CLPTM1L: variants seen among roughly 807,000 people sequenced by gnomAD.
CLPTM1L encodes the protein CLPTM1 like.
CLPTM1L carries 38 observed loss-of-function variants against 70.9 expected under a neutral mutation model. That is an observed-to-expected ratio of 0.54 (90% CI 0.41 to 0.70). CLPTM1L has a LOEUF of 0.70. Among genes scored for constraint, CLPTM1L ranks in the 30% least tolerant of loss-of-function variants. The pLI is 0.00. For missense variants in CLPTM1L, 652 were observed against 705.9 expected (o/e 0.92, Z 0.87); for synonymous variants, 339 against 299.9 (o/e 1.13, Z -1.35).
At chr5:1,334,458 A>G in intron 6 of CLPTM1L, 75 bp from the exon 7 acceptor site, 2 of 1,132,970 alleles carry the variant, frequency 1.8e-6, no homozygotes, top group African/African-American at 1.6e-5. Context: ...TACAGTTTTC[A>G]ATATAAAAAT....
chr5:1,320,502 C>T (rs920888033), intron 16 of CLPTM1L, 114 bp downstream of exon 16: 69 of 556,266 alleles, frequency 1.2e-4, no homozygotes, highest in Middle Eastern at 5.0e-4. Flanking sequence ...TGCAAATTAT[C>T]TTTTCCCTCA....
chr5:1,341,877 A>G lies in CLPTM1L; in HGVS notation c.264-17T>C, dbSNP rs773625991. On this transcript the variant is annotated splice_polypyrimidine_tract_variant and intron_variant, in intron 2 of 16. Transcript: ENST00000320895. ...TTAACTGTCCTGAAACAGAACAATC[A>G]TTTCCACTACATACATATTATATTC... is the stretch of plus-strand genomic sequence containing the variant. The G allele has an allele frequency of 2.5e-6, 4 of 1,593,530 alleles. No homozygotes were observed. Among genetic ancestry groups the G allele is most frequent in the East Asian group, 2.2e-5 (1 of 44,514 alleles).
rs1430350633 is a variant in CLPTM1L at position 1,338,873 on chromosome 5, G to A, written c.586C>T (p.Arg196Trp). 6.2e-6 allele frequency: 10 copies of A among 1,613,310 alleles called. No individual in the cohort carries two copies. The highest frequency in any genetic ancestry group is 8.5e-6 in the Non-Finnish European group (10 of 1,180,044). ...DGSSLPADVH[R>W]YMKMIQLGKT... ...GGCCCCACTTACATCTTCATGTACCGATGCACATCGGCAGGCAGGGAGGAC... is the reference window on the plus strand; with the variant it reads ...GGCCCCACTTACATCTTCATGTACCAATGCACATCGGCAGGCAGGGAGGAC... Residue 196 changes from arginine to tryptophan, a missense_variant, in exon 4 of 17, where the codon CGG becomes TGG. Around this residue, in one of 3 missense-constraint regions of CLPTM1L, gnomAD observed 402 missense variants for 388.2 expected, o/e 1.04. Coordinates refer to ENST00000320895, the MANE Select transcript of CLPTM1L (RefSeq NM_030782.5).
chr5:1,339,938 T>G (rs1048681914), intron 3 of CLPTM1L, among the ~76,000 whole-genome samples: 1 of 147,594 alleles, frequency 6.8e-6, no homozygotes, highest in Admixed American at 6.7e-5. Flanking sequence ...GCCACGCACA[T>G]GGAAAAACCG....
At chr5:1,325,641 C>T in intron 10 of CLPTM1L, 110 bp downstream of exon 10, 1 of 853,114 alleles carries the variant, frequency 1.2e-6, no homozygotes, top group East Asian at 2.4e-5. Context: ...GCTCCCCTGA[C>T]AGAGGCCCGC....
At chr5:1,319,235 A>T (rs1752005449) in intron 16 of CLPTM1L, among the ~76,000 whole-genome samples, 1 of 151,588 alleles carries the variant, frequency 6.6e-6, no homozygotes, top group Non-Finnish European at 1.5e-5. Context: ...GGATCTGAGA[A>T]TGGTGAACGG....
intron 5 of CLPTM1L, 140 bp from the exon 6 acceptor site, chr5:1,335,314 C>G: frequency 2.8e-6 from 2 of 702,162 alleles, no homozygotes; most frequent in South Asian, 3.3e-5. Context: ...GCAAGCATCC[C>G]CCGGTCCCTC....
intron 3 of CLPTM1L, among the ~76,000 whole-genome samples, chr5:1,340,162 G>A (rs912932702): frequency 1.3e-5 from 2 of 152,162 alleles, no homozygotes; most frequent in African/African-American, 4.8e-5. Flanking sequence ...CTTTTTTGAG[G>A]TCCTCAAACT....
chr5:1,319,694 G>A (rs1191228173), intron 16 of CLPTM1L, among the ~76,000 whole-genome samples: 1 of 152,240 alleles, frequency 6.6e-6, no homozygotes, highest in Non-Finnish European at 1.5e-5. Flanking sequence ...TGGTGTGTGA[G>A]GTGGCCTCCT....
Position 1,331,588 on chromosome 5 carries a change from C to G in CLPTM1L, c.976+211G>C, listed in dbSNP as rs887162574. 1.3e-5 allele frequency: 8 copies of G among 596,908 alleles called. No homozygotes were observed. In the African/African-American group the frequency reaches 1.5e-4, roughly 11 times the overall value. 37.0% of individuals were successfully genotyped at this position (596,908 alleles called of 1,614,324 possible). A position where few individuals can be genotyped will look rare whatever the true frequency, so the allele number is the denominator to read the frequency against. On this transcript the variant is annotated intron_variant, in intron 8 of 16. Coordinates refer to ENST00000320895, the MANE Select transcript of CLPTM1L (RefSeq NM_030782.5). ...CCTGAGCTGTGCAGCCGCTGGAGGCCCTGAGCCGTGCAGCCTCTGATGGTC... is the reference window on the plus strand; with the variant it reads ...CCTGAGCTGTGCAGCCGCTGGAGGCGCTGAGCCGTGCAGCCTCTGATGGTC...
intron 9 of CLPTM1L, chr5:1,326,062 G>C (rs1396501650): frequency 3.8e-6 from 2 of 522,232 alleles, no homozygotes; most frequent in Non-Finnish European, 6.8e-6. Context: ...AACAAAAACA[G>C]CATGTGAGGG....
Position 1,337,966 on chromosome 5 carries a change from T to C in CLPTM1L, c.616A>G (p.Thr206Ala), listed in dbSNP as rs1412503410. The change falls in exon 5 of 17, where the codon ACC (threonine) becomes GCC (alanine). Residue 206 changes from threonine (T) to alanine (A), a missense_variant. Physicochemically the swap from Thr to Ala is moderately conservative, Grantham distance 58. Transcript: ENST00000320895. ...RYMKMIQLGK[T>A]VHYLPILFID... ...AACAGGATGGGCAGGTAATGCACGG[T>C]TTTCCCCAGCTGGATCCTGGGATTA... The C allele has an allele frequency of 9.3e-6, 15 of 1,606,892 alleles. No homozygotes were observed. The highest frequency in any genetic ancestry group is 1.2e-5 in the Non-Finnish European group (14 of 1,177,734).
chr5:1,335,120 A>C lies in CLPTM1L; in HGVS notation c.733T>G (p.Ser245Ala), dbSNP rs142613582. The C allele has an allele frequency of 6.2e-7, 1 of 1,613,608 alleles. No homozygotes were observed. Among genetic ancestry groups the C allele is most frequent in the African/African-American group, 1.3e-5 (1 of 74,936 alleles). The change falls in exon 6 of 17, where the codon TCA becomes GCA. Residue 245 changes from serine to alanine, a missense_variant. Ser to Ala is a moderately conservative substitution (Grantham distance 99). Coordinates refer to ENST00000320895, the MANE Select transcript of CLPTM1L (RefSeq NM_030782.5). Reference protein sequence around the residue: ...LPLTVSYDKVSLGRLRFWIHM... With the variant: ...LPLTVSYDKVALGRLRFWIHM... The stretch of plus-strand genomic sequence containing the variant: ...ATCCAGAAGCGCAGCCGCCCCAGTG[A>C]GACCTTGTCGTAGGACACGGTGAGG...
chr5:1,328,895 C>T (rs1752860975), intron 9 of CLPTM1L, among the ~76,000 whole-genome samples: 1 of 150,898 alleles, frequency 6.6e-6, no homozygotes, highest in Admixed American at 6.6e-5. Flanking sequence ...CCATCCAGCT[C>T]CTCCTCTACA....
In CLPTM1L at chr5:1,318,485, C is replaced by A. The variant is rs749554212; in HGVS notation, c.1533-32G>T. 1.3e-6 allele frequency: 2 copies of A among 1,572,880 alleles called. No individual in the cohort carries two copies. The highest frequency in any genetic ancestry group is 2.7e-5 in the African/African-American group (2 of 74,138). ...TGACACAAATGAGCACATCAGCAAA[C>A]CCCACTGCAGGGGCTATTTTTCTAA... On this transcript the variant is annotated intron_variant, in intron 16 of 16. Coordinates refer to ENST00000320895, the MANE Select transcript of CLPTM1L (RefSeq NM_030782.5). This position sits in a 1 kb window ranked among gnomAD's most constrained non-coding sequence, Gnocchi z 8.9.
At position 1,329,794 on chromosome 5, in the gene CLPTM1L, AG is replaced by A. The variant is rs551159464; in HGVS notation, c.1080+485del. On this transcript the variant is annotated intron_variant, in intron 9 of 16. Transcript: ENST00000320895. ...CTCTCTGCCTGGTGGACAGAGCCTC[AG>A]GACTCTCTGCTTGGTGGACAGGGCC... Among the ~76,000 whole-genome samples, 5 of 116,484 alleles carry A rather than the reference AG, an allele frequency of 4.3e-5. No individual in the cohort carries two copies. The South Asian group carries it at 1.5e-3, about 34-fold the overall frequency. 76.4% of individuals were successfully genotyped at this position (116,484 alleles called of 152,430 possible). A position where few individuals can be genotyped will look rare whatever the true frequency, so the allele number is the denominator to read the frequency against.
chr5:1,328,966 C>CACATTTCATACAGCTCCTCCTCTACAGAG (rs1181110232), intron 9 of CLPTM1L, among the ~76,000 whole-genome samples: 1 of 151,804 alleles, frequency 6.6e-6, no homozygotes. Flanking sequence ...CCTCTACAGA[C>CACATTTCATACAGCTCCTCCTCTACAGAG]ACATTTCATA....
chr5:1,340,737 T>C (rs1753888117), intron 3 of CLPTM1L, among the ~76,000 whole-genome samples: 1 of 152,232 alleles, frequency 6.6e-6, no homozygotes. Context: ...TTTCTCTCTG[T>C]CTGGAACAAT....
Position 1,318,782 on chromosome 5 carries a change from G to A in CLPTM1L, c.1533-329C>T, listed in dbSNP as rs530328662. On this transcript the variant is annotated intron_variant, in intron 16 of 16. Coordinates refer to ENST00000320895, the MANE Select transcript of CLPTM1L (RefSeq NM_030782.5). The surrounding 1 kb of genome is among the most constrained non-coding windows in gnomAD (Gnocchi z 8.9). Reference sequence around the variant, plus strand: ...CTTCTGGGAACGGTGGCATCACGGAGACTCGAGTGATCAGAACAGGAACCG... The same window carrying A: ...CTTCTGGGAACGGTGGCATCACGGAAACTCGAGTGATCAGAACAGGAACCG... Among the ~76,000 whole-genome samples the A allele has an allele frequency of 1.1e-4, 16 of 152,300 alleles. No individual in the cohort carries two copies. The South Asian group carries it at 3.3e-3, about 32-fold the overall frequency.
Sources: gnomAD v4.1 joint callset for allele counts (sites outside exome capture counted in the v4.1 genomes callset) on GRCh38, gnomAD v4.1.1 for gene constraint, gnomAD v4.1.1 regional missense constraint, Gnocchi (gnomAD v3.1) non-coding constraint, MANE v1.5 for transcripts, NCBI Gene and HGNC (gene_info 2026-07-23, HGNC 2026-07-21) for gene names.